The following TSHR variants were observed in gnomAD, a reference collection of about 807,000 sequenced individuals.
TSHR encodes the protein thyroid stimulating hormone receptor.
TSHR carries 51 observed loss-of-function variants against 64.1 expected under a neutral mutation model. The ratio of observed to expected loss-of-function variants is 0.80; its 90% CI spans 0.64 to 1.01. The LOEUF is 1.01. Ranked by LOEUF, TSHR falls within the 50% of genes least tolerant of loss-of-function variation. The pLI is 0.00. For missense variants in TSHR, 877 were observed against 942.8 expected, an observed-to-expected ratio of 0.93 and a Z score of 0.91; for synonymous variants, 361 against 361.9, an observed-to-expected ratio of 1.00 and a Z score of 0.03.
In TSHR at chr14:81,103,346, G is replaced by C. The variant is rs1889702631; in HGVS notation, c.615-5029G>C. 1.0e-6 allele frequency: 1 copy of C among 985,292 alleles called. No individual in the cohort carries two copies. The highest frequency in any genetic ancestry group is 1.2e-6 in the Non-Finnish European group (1 of 829,916). The allele number at this position is 985,292 out of a possible 1,614,324, so 61.0% of individuals were successfully genotyped here. A position where few individuals can be genotyped will look rare whatever the true frequency, so the allele number is the denominator to read the frequency against. ...TGTTAGCAATTTGGTAATTTCTCCA[G>C]AAGTTTGTCCAGGTATCATTAGGTT... On this transcript the variant is annotated intron_variant, in intron 7 of 9. Transcript: ENST00000298171. The surrounding 1 kb of genome is among the most constrained non-coding windows in gnomAD (Gnocchi z 4.1).
intron 1 of TSHR, among the ~76,000 whole-genome samples, chr14:81,020,981 C>A (rs1883715040): frequency 6.6e-6 from 1 of 151,870 alleles, no homozygotes; most frequent in South Asian, 2.1e-4. Context: ...TTGGGTGTCA[C>A]TGTCTCCCAT....
chr14:80,971,140 A>G (rs1406999114), intron 1 of TSHR, among the ~76,000 whole-genome samples: 2 of 152,114 alleles, frequency 1.3e-5, no homozygotes, highest in African/African-American at 2.4e-5. Flanking sequence ...GATTTTTTAG[A>G]ATGCCGCAGA....
intron 1 of TSHR, chr14:80,994,708 A>G (rs757935885): frequency 3.9e-5 from 6 of 152,206 alleles, no homozygotes; most frequent in Non-Finnish European, 5.9e-5. Context: ...CCCTCTCCTT[A>G]CACCATATAC....
chr14:81,088,027 C>A lies in TSHR; in HGVS notation c.391C>A (p.Leu131Ile), dbSNP rs1409255348. The A allele has an allele frequency of 6.2e-7, 1 of 1,612,150 alleles. No homozygotes were observed. Among genetic ancestry groups the A allele is most frequent in the Admixed American group, 1.7e-5 (1 of 60,012 alleles). Reference sequence around the variant, plus strand: ...CAAAGAGCTCCCCCTCCTAAAGTTCCTGTAAGTATTAAATCCTCTCCCATC... The same window carrying A: ...CAAAGAGCTCCCCCTCCTAAAGTTCATGTAAGTATTAAATCCTCTCCCATC... The part of the protein sequence containing the change: ...ALKELPLLKF[L>I]GIFNTGLKMF... Residue 131 changes from leucine to isoleucine, a missense_variant and splice_region_variant, in exon 4 of 10, where the codon CTT becomes ATT. Physicochemically the swap from Leu to Ile is conservative, Grantham distance 5. Transcript: ENST00000298171.
At chr14:81,068,211 C>A (rs780586922) in intron 2 of TSHR, 43 bp from the exon 3 acceptor site, 3 of 1,587,834 alleles carry the variant, frequency 1.9e-6, no homozygotes, top group South Asian at 2.2e-5. Context: ...AGTTTACAAC[C>A]TTACTAACTT....
At position 80,975,838 on chromosome 14, in the gene TSHR, C is replaced by G. The variant is rs114917764; in HGVS notation, c.170+19988C>G. Among the ~76,000 whole-genome samples, 1,459 of 152,232 alleles carry G rather than the reference C, an allele frequency of 9.6e-3. 22 individuals are homozygous for G. Among genetic ancestry groups the G allele is most frequent in the African/African-American group, 0.033 (1,368 of 41,544 alleles). ...CTTCTGAGCAGCACAGGAGGCAGGG[C>G]TGCTGTTGCATAATGGGGAGGATAC... is the stretch of plus-strand genomic sequence containing the variant. On this transcript the variant is annotated intron_variant, in intron 1 of 9. Transcript: ENST00000298171.
At chr14:81,094,118 A>G (rs1456401905) in intron 6 of TSHR, 2 of 152,176 alleles carry the variant, frequency 1.3e-5, no homozygotes, top group Admixed American at 1.3e-4. Flanking sequence ...TCAGATGATT[A>G]TTTCTACATT....
intron 3 of TSHR, among the ~76,000 whole-genome samples, chr14:81,073,121 A>G (rs1887242517): frequency 6.7e-6 from 1 of 148,550 alleles, no homozygotes; most frequent in South Asian, 2.1e-4. Flanking sequence ...TCTTACTCTA[A>G]GGGACACTTC....
intron 1 of TSHR, among the ~76,000 whole-genome samples, chr14:81,029,051 T>C (rs570521628): frequency 1.3e-5 from 2 of 151,802 alleles, no homozygotes; most frequent in East Asian, 1.9e-4. Context: ...ATAAAATGGA[T>C]ATATTTCTAT....
At position 81,015,337 on chromosome 14, in the gene TSHR, GA is replaced by G. The variant is rs1384550677; in HGVS notation, c.171-46807del. 2.6e-5 allele frequency among the ~76,000 whole-genome samples: 4 copies of G among 152,154 alleles called. No homozygotes were observed. In the South Asian group the frequency reaches 6.2e-4, roughly 24 times the overall value. On this transcript the variant is annotated intron_variant, in intron 1 of 9. Transcript: ENST00000298171. ...TGGCAAGGGGGAACAAAAGGAGGGG[GA>G]AAAGTAATTACTGTCCACTTAACAT...
intron 1 of TSHR, among the ~76,000 whole-genome samples, chr14:81,009,860 C>A (rs1002547102): frequency 6.6e-6 from 1 of 151,952 alleles, no homozygotes; most frequent in Admixed American, 6.6e-5. Context: ...TTCTTGTGTA[C>A]GTCAACTGTG....
intron 1 of TSHR, among the ~76,000 whole-genome samples, chr14:80,998,296 T>C (rs1889129699): frequency 6.6e-6 from 1 of 152,106 alleles, no homozygotes; most frequent in Non-Finnish European, 1.5e-5. Context: ...ATTTCTTTGT[T>C]CAGATCAATA....
At chr14:81,139,971 G>A (rs1891617363) in intron 9 of TSHR, 104 bp downstream of exon 9, 1 of 1,429,424 alleles carries the variant, frequency 7.0e-7, no homozygotes, top group East Asian at 2.4e-5. Context: ...ACCAGGTGGA[G>A]AGGAAATTGG....
chr14:81,043,725 A>T (rs1273927899), intron 1 of TSHR, among the ~76,000 whole-genome samples: 1 of 152,222 alleles, frequency 6.6e-6, no homozygotes, highest in Non-Finnish European at 1.5e-5. Flanking sequence ...TGGTACTGGG[A>T]CAAGAACAGA....
chr14:81,067,486 T>TATATATATATA (rs1886714697), intron 2 of TSHR, among the ~76,000 whole-genome samples: 1 of 142,190 alleles, frequency 7.0e-6, no homozygotes, highest in Non-Finnish European at 1.5e-5. Flanking sequence ...TATAGTTTTA[T>TATATATATATA]ATATATATAT....
chr14:81,122,594 T>C (rs1260144199), intron 8 of TSHR, among the ~76,000 whole-genome samples: 2 of 151,792 alleles, frequency 1.3e-5, no homozygotes, highest in Admixed American at 1.3e-4. Flanking sequence ...AGAGGAAATG[T>C]GTAGGGGTGA....
intron 1 of TSHR, among the ~76,000 whole-genome samples, chr14:80,991,144 C>G (rs1888706477): frequency 1.3e-5 from 2 of 152,150 alleles, no homozygotes; most frequent in African/African-American, 2.4e-5. Context: ...ATTAAAAGAA[C>G]TATAAACTCT....
intron 1 of TSHR, chr14:80,983,749 G>A: frequency 2.6e-6 from 1 of 383,990 alleles, no homozygotes; most frequent in Non-Finnish European, 4.8e-6. Context: ...GTTATACATT[G>A]CATCTTTAAC....
At chr14:81,134,298 C>T (rs892331302) in intron 8 of TSHR, among the ~76,000 whole-genome samples, 18 of 152,050 alleles carry the variant, frequency 1.2e-4, no homozygotes, top group Non-Finnish European at 2.9e-5. Flanking sequence ...CCACCATGCC[C>T]GGCTAATTTT....
Sources: gnomAD v4.1 joint callset for allele counts (sites outside exome capture counted in the v4.1 genomes callset) on GRCh38, gnomAD v4.1.1 for gene constraint, Gnocchi (gnomAD v3.1) non-coding constraint, MANE v1.5 for transcripts, NCBI Gene and HGNC (gene_info 2026-07-23, HGNC 2026-07-21) for gene names.